Variants in ANAPC4 observed in about 807,000 individuals in gnomAD.
ANAPC4 encodes the protein anaphase-promoting complex subunit 4.
ANAPC4 carries 63 observed loss-of-function variants against 119.8 expected under a neutral mutation model. That is an observed-to-expected ratio of 0.53 (90% confidence interval 0.43 to 0.65). The LOEUF is 0.65. Among genes scored for constraint, ANAPC4 ranks in the 30% least tolerant of loss-of-function variants. ANAPC4 has a pLI of 0.00. For missense variants in ANAPC4, 716 were observed against 945.1 expected, an observed-to-expected ratio of 0.76 and a Z score of 3.18; for synonymous variants, 283 against 318.6, an observed-to-expected ratio of 0.89 and a Z score of 1.19.
At position 25,380,401 on chromosome 4, in the gene ANAPC4, C is replaced by T; in HGVS notation, c.157C>T (p.His53Tyr). The change falls in exon 3 of 29, where the codon CAT (histidine) becomes TAT (tyrosine). Residue 53 changes from histidine to tyrosine, a missense_variant. Around this residue, in one of 3 missense-constraint regions of ANAPC4, gnomAD observed 202 missense variants for 293.5 expected, o/e 0.69. Transcript: ENST00000315368. ...TTTACTTCATCGACTGGCAAGTTTT[C>T]ATCGAGTTTGGAGTTTTCCACCAAA... ...EVLLHRLASFHRVWSFPPNEN... is the reference protein window; with the variant it reads ...EVLLHRLASFYRVWSFPPNEN... 2 of 1,613,132 alleles carry T rather than the reference C, an allele frequency of 1.2e-6. No homozygotes were observed. Among genetic ancestry groups the T allele is most frequent in the Non-Finnish European group, 1.7e-6 (2 of 1,179,488 alleles).
intron 9 of ANAPC4, among the ~76,000 whole-genome samples, chr4:25,392,029 A>T (rs1722373976): frequency 1.3e-5 from 2 of 152,186 alleles, no homozygotes; most frequent in Non-Finnish European, 2.9e-5. Context: ...TTAATTCCTT[A>T]TACTTCCTTT....
chr4:25,411,107 C>T (rs527280277), intron 21 of ANAPC4, among the ~76,000 whole-genome samples: 114 of 152,234 alleles, frequency 7.5e-4, no homozygotes, highest in African/African-American at 2.7e-3. Context: ...TTATGTATTG[C>T]CAGAGAGTCT....
At chr4:25,380,722 G>C (rs1721668250) in intron 3 of ANAPC4, 2 of 335,320 alleles carry the variant, frequency 6.0e-6, no homozygotes, top group Admixed American at 4.4e-5. Context: ...TAACTCCGAA[G>C]TGAAATCTGA....
intron 4 of ANAPC4, among the ~76,000 whole-genome samples, chr4:25,387,942 TAGTG>T (rs1327096381): frequency 2.0e-5 from 3 of 151,780 alleles, no homozygotes; most frequent in Admixed American, 6.6e-5. Flanking sequence ...CTGGGCAACA[TAGTG>T]AGACCCCCAT....
intron 4 of ANAPC4, among the ~76,000 whole-genome samples, 154 bp downstream of exon 4, chr4:25,383,547 A>ATT (rs59314097): frequency 5.3e-5 from 8 of 150,464 alleles, no homozygotes; most frequent in Admixed American, 1.3e-4. Context: ...GCTTTCTTAG[A>ATT]TTTTTTTTTT....
Position 25,377,616 on chromosome 4 carries a change from C to T in ANAPC4, c.129+60C>T, listed in dbSNP as rs1338441407. ...TCTGCTCCCGGGGGGCCCAAGAACA[C>T]CGAGCCCGAGCCTGTTCATTCGGGC... On this transcript the variant is annotated intron_variant, in intron 2 of 28. Transcript: ENST00000315368. 2.0e-6 allele frequency: 3 copies of T among 1,495,682 alleles called. No homozygotes were observed. The Middle Eastern group carries it at 7.1e-4, about 354-fold the overall frequency. 92.7% of individuals were successfully genotyped at this position (1,495,682 alleles called of 1,614,324 possible). A position where few individuals can be genotyped will look rare whatever the true frequency, so the allele number is the denominator to read the frequency against.
intron 18 of ANAPC4, among the ~76,000 whole-genome samples, 181 bp from the exon 19 acceptor site, chr4:25,406,648 G>A (rs1259246289): frequency 6.6e-6 from 1 of 152,062 alleles, no homozygotes; most frequent in Non-Finnish European, 1.5e-5. Flanking sequence ...TTACATTCTC[G>A]GAACCCCAGG....
chr4:25,389,580 A>G (rs1722227553), intron 7 of ANAPC4, among the ~76,000 whole-genome samples: 2 of 152,228 alleles, frequency 1.3e-5, no homozygotes, highest in Admixed American at 1.3e-4. Context: ...GGCATGAGCC[A>G]CCGCACCTGG....
In ANAPC4 at chr4:25,393,874, C is replaced by G. The variant is rs1560435855; in HGVS notation, c.859C>G (p.Leu287Val). 1.2e-6 allele frequency: 2 copies of G among 1,610,478 alleles called. No individual in the cohort carries two copies. The highest frequency in any genetic ancestry group is 1.7e-6 in the Non-Finnish European group (2 of 1,178,160). ...EEILMQMDSR[L>V]TKFVQEKNTT... The stretch of plus-strand genomic sequence containing the variant: ...AATACTAATGCAGATGGATTCTCGT[C>G]TCACCAAGTTTGTGCAGGTAAAGCA... The change falls in exon 11 of 29, where the codon CTC (leucine) becomes GTC (valine). Residue 287 changes from leucine (L) to valine (V), a missense_variant. By Grantham distance (32) the Leu-to-Val change is conservative. Around this residue, in one of 3 missense-constraint regions of ANAPC4, gnomAD observed 504 missense variants for 615.8 expected, o/e 0.82. Transcript: ENST00000315368.
intron 19 of ANAPC4, 81 bp from the exon 20 acceptor site, chr4:25,407,116 A>T: frequency 8.1e-7 from 1 of 1,241,732 alleles, no homozygotes; most frequent in Non-Finnish European, 1.1e-6. Context: ...CTCTCTTGAA[A>T]AGGAAGGTTT....
At position 25,416,462 on chromosome 4, in the gene ANAPC4, G is replaced by C. The variant is rs1458179881; in HGVS notation, c.1939G>C (p.Glu647Gln). 5.0e-6 allele frequency: 8 copies of C among 1,584,618 alleles called. No homozygotes were observed. The highest frequency in any genetic ancestry group is 6.9e-6 in the Non-Finnish European group (8 of 1,162,220). ...SCLDAQFYDD[E>Q]TVTVVLKDTV... ...TTTAGATGCACAGTTTTATGATGATGAAACTGTAACAGTAGTTCTTAAAGA... is the reference window on the plus strand; with the variant it reads ...TTTAGATGCACAGTTTTATGATGATCAAACTGTAACAGTAGTTCTTAAAGA... The change falls in exon 27 of 29, where the codon GAA (glutamate) becomes CAA (glutamine). Residue 647 changes from glutamate to glutamine, a missense_variant. By Grantham distance (29) the Glu-to-Gln change is conservative. Around this residue, in one of 3 missense-constraint regions of ANAPC4, gnomAD observed 504 missense variants for 615.8 expected, o/e 0.82. Coordinates refer to ENST00000315368, the MANE Select transcript of ANAPC4 (RefSeq NM_013367.3).
At chr4:25,383,165 G>A (rs1442644642) in intron 3 of ANAPC4, 96 bp from the exon 4 acceptor site, 2 of 1,165,352 alleles carry the variant, frequency 1.7e-6, no homozygotes, top group Admixed American at 3.5e-5. Context: ...TGATGAAGAT[G>A]CACTTAAAAG....
intron 2 of ANAPC4, among the ~76,000 whole-genome samples, chr4:25,378,839 G>C (rs1382986868): frequency 6.6e-6 from 1 of 152,196 alleles, no homozygotes; most frequent in African/African-American, 2.4e-5. Context: ...CTGTTTGGCT[G>C]TGTGGGTGCA....
intron 2 of ANAPC4, among the ~76,000 whole-genome samples, chr4:25,379,403 G>T (rs1453485408): frequency 6.6e-6 from 1 of 152,176 alleles, no homozygotes; most frequent in Non-Finnish European, 1.5e-5. Flanking sequence ...GAGTGGTATG[G>T]TCTGATTGCA....
At chr4:25,416,697 C>A in intron 27 of ANAPC4, 99 bp downstream of exon 27, 1 of 1,017,306 alleles carries the variant, frequency 9.8e-7, no homozygotes, top group Non-Finnish European at 1.3e-6. Flanking sequence ...ATGGTTATTT[C>A]GTTACTAGAG....
In ANAPC4 at chr4:25,394,713, G is replaced by A; in HGVS notation, c.984G>A (p.Lys328=). The A allele has an allele frequency of 6.2e-7, 1 of 1,604,240 alleles. No individual in the cohort carries two copies. Among genetic ancestry groups the A allele is most frequent in the Non-Finnish European group, 8.5e-7 (1 of 1,177,284 alleles). Residue 328 remains lysine, a splice_region_variant and synonymous_variant, in exon 13 of 29, where the codon AAG becomes AAA. Transcript: ENST00000315368. ...TCTTGATGAATCAGTTAACAGTAAA[G>A]GTGCAGTTAATGTATCTATGTATTC... ...QTLLMNQLTV[K]GLKKLGQSIE...
At chr4:25,407,942 T>G (rs536400335) in intron 20 of ANAPC4, among the ~76,000 whole-genome samples, 161 of 152,262 alleles carry the variant, frequency 1.1e-3, no homozygotes, top group African/African-American at 3.7e-3. Context: ...TACTATTACA[T>G]GTTAATATAA....
intron 21 of ANAPC4, among the ~76,000 whole-genome samples, chr4:25,411,605 A>G (rs1250663689): frequency 1.3e-5 from 2 of 152,190 alleles, no homozygotes; most frequent in African/African-American, 4.8e-5. Context: ...AAGCTGCTCT[A>G]CTACTTCGTA....
chr4:25,392,522 T>A, intron 10 of ANAPC4, 101 bp downstream of exon 10: 1 of 821,532 alleles, frequency 1.2e-6, no homozygotes, highest in Non-Finnish European at 2.0e-6. Flanking sequence ...CTTTCTGAAG[T>A]AGAGGTATCT....
Sources: gnomAD v4.1 joint callset for allele counts (sites outside exome capture counted in the v4.1 genomes callset) on GRCh38, gnomAD v4.1.1 for gene constraint, gnomAD v4.1.1 regional missense constraint, MANE v1.5 for transcripts, NCBI Gene and HGNC (gene_info 2026-07-23, HGNC 2026-07-21) for gene names.